Variants in PAFAH2 observed in about 807,000 individuals in gnomAD.
PAFAH2 encodes platelet-activating factor acetylhydrolase 2, cytoplasmic.
A neutral mutation model predicts 49.0 loss-of-function variants in PAFAH2; 42 were observed. The ratio of observed to expected loss-of-function variants is 0.86; its 90% CI spans 0.67 to 1.11. The LOEUF (loss-of-function observed/expected upper bound fraction) is 1.11. Ranked by LOEUF, PAFAH2 falls within the 50% of genes least tolerant of loss-of-function variation. PAFAH2 has a pLI of 0.00. For synonymous variants in PAFAH2, 184 were observed against 181.3 expected, an observed-to-expected ratio of 1.01 and a Z score of -0.12; for missense variants, 503 against 501.8, an observed-to-expected ratio of 1.00 and a Z score of -0.02.
chr1:25,972,706 A>G lies in PAFAH2; in HGVS notation c.936T>C (p.Ser312=). The change falls in exon 10 of 11, where the codon TCT becomes TCC. Residue 312 remains serine (S), a synonymous_variant. Coordinates refer to ENST00000374282, the MANE Select transcript of PAFAH2 (RefSeq NM_000437.4). ...CAAAGTCAGTTTGACTCCGATGAAC[A>G]GAACCACTAGGGGAAAAGAAAAACA... ...EQSRIITVLG[S]VHRSQTDFAF... is the part of the protein sequence containing the mutation. 1 of 1,614,004 alleles carries G rather than the reference A, an allele frequency of 6.2e-7. No individual in the cohort carries two copies. Among genetic ancestry groups the G allele is most frequent in the Non-Finnish European group, 8.5e-7 (1 of 1,179,864 alleles).
intron 10 of PAFAH2, among the ~76,000 whole-genome samples, chr1:25,972,266 T>C (rs1024461912): frequency 3.3e-4 from 50 of 151,564 alleles, no homozygotes; most frequent in South Asian, 8.3e-4. Context: ...CAGCTAATTT[T>C]TTTTTTTTTT....
At position 25,961,841 on chromosome 1, in the gene PAFAH2, C is replaced by T. The variant is rs2049342206; in HGVS notation, c.*148G>A. The stretch of plus-strand genomic sequence containing the variant: ...AAGATCAAATCTAAGATCAAAGTAC[C>T]CAGTTATCCAAGCAGCAGTGTGATT... On this transcript the variant is annotated 3_prime_UTR_variant, in exon 11 of 11. Coordinates refer to ENST00000374282, the MANE Select transcript of PAFAH2 (RefSeq NM_000437.4). 1.7e-6 allele frequency: 1 copy of T among 578,748 alleles called. No homozygotes were observed. The allele number at this position is 578,748 out of a possible 1,614,324, so 35.9% of individuals were successfully genotyped here.
chr1:25,988,199 T>C, intron 4 of PAFAH2, 32 bp downstream of exon 4: 1 of 1,395,400 alleles, frequency 7.2e-7, no homozygotes, highest in Non-Finnish European at 9.9e-7. Context: ...AGGCAAGGAG[T>C]ATGGCAAGGT....
chr1:25,983,077 A>G (rs993232610), intron 6 of PAFAH2, among the ~76,000 whole-genome samples: 3 of 152,134 alleles, frequency 2.0e-5, no homozygotes, highest in African/African-American at 7.2e-5. Flanking sequence ...CTGAACACAC[A>G]CAAGGTCAGA....
intron 7 of PAFAH2, among the ~76,000 whole-genome samples, chr1:25,979,951 C>A (rs912705412): frequency 6.6e-6 from 1 of 152,182 alleles, no homozygotes. Context: ...CAGGCCTGGA[C>A]CTCAGTGCCC....
rs770132383 is a variant in PAFAH2 at position 25,988,232 on chromosome 1, T to C, written c.340A>G (p.Arg114Gly). The change falls in exon 4 of 11, where the codon AGG (arginine) becomes GGG (glycine). Residue 114 changes from arginine to glycine, a missense_variant and splice_region_variant. Coordinates refer to ENST00000374282, the MANE Select transcript of PAFAH2 (RefSeq NM_000437.4). ...GGTCTGGGGGAAAGAAGCTCTTACC[T>C]GAAGGCTCCTAGGCCATGGGAGAAG... is the stretch of plus-strand genomic sequence containing the variant. ...IIFSHGLGAF[R>G]TLYSAFCMEL... The C allele has an allele frequency of 1.8e-5, 28 of 1,592,336 alleles. No individual in the cohort carries two copies. In the South Asian group the frequency reaches 2.9e-4, roughly 17 times the overall value.
intron 10 of PAFAH2, chr1:25,964,282 T>C (rs1330416700): frequency 6.6e-6 from 1 of 152,376 alleles, no homozygotes; most frequent in Non-Finnish European, 1.5e-5. Context: ...TGCAAATTCG[T>C]TAAGCTTTCC....
intron 8 of PAFAH2, among the ~76,000 whole-genome samples, chr1:25,975,629 C>CACAT (rs1188641481): frequency 1.3e-5 from 2 of 152,000 alleles, no homozygotes; most frequent in African/African-American, 4.8e-5. Context: ...CTTCACCTCC[C>CACAT]ACATGACCAA....
intron 10 of PAFAH2, among the ~76,000 whole-genome samples, chr1:25,967,347 T>C (rs1016333272): frequency 6.6e-6 from 1 of 152,186 alleles, no homozygotes; most frequent in Non-Finnish European, 1.5e-5. Flanking sequence ...GTTACTTCTA[T>C]TAGATGACTA....
At position 25,972,680 on chromosome 1, in the gene PAFAH2, G is replaced by C. The variant is rs1222040879; in HGVS notation, c.962C>G (p.Ala321Gly). ...GSVHRSQTDF[A>G]FVTGNLIGKF... ...ACCAATCAAGTTGCCAGTCACAAAAGCAAAGTCAGTTTGACTCCGATGAAC... is the reference window on the plus strand; with the variant it reads ...ACCAATCAAGTTGCCAGTCACAAAACCAAAGTCAGTTTGACTCCGATGAAC... The change falls in exon 10 of 11, where the codon GCT becomes GGT. Residue 321 changes from alanine (A) to glycine (G), a missense_variant. Transcript: ENST00000374282. 5 of 1,613,926 alleles carry C rather than the reference G, an allele frequency of 3.1e-6. No homozygotes were observed. The South Asian group carries it at 5.5e-5, about 18-fold the overall frequency.
At position 25,979,324 on chromosome 1, in the gene PAFAH2, T is replaced by G. The variant is rs573740967; in HGVS notation, c.667-2551A>C. 2.6e-5 allele frequency among the ~76,000 whole-genome samples: 4 copies of G among 152,036 alleles called. No homozygotes were observed. In the South Asian group the frequency reaches 6.3e-4, roughly 24 times the overall value. On this transcript the variant is annotated intron_variant, in intron 7 of 10. Transcript: ENST00000374282. ...AGCCTGCCATTTACCAATGCCTTTT[T>G]TTTTTTTTTTTGAGATAGTCTTGCT...
At chr1:25,991,268 A>T (rs1014762031) in intron 1 of PAFAH2, among the ~76,000 whole-genome samples, 1 of 151,936 alleles carries the variant, frequency 6.6e-6, no homozygotes, top group Admixed American at 6.5e-5. Flanking sequence ...TCATTGTCTC[A>T]ACCACTCTCT....
intron 10 of PAFAH2, among the ~76,000 whole-genome samples, chr1:25,972,326 G>A (rs557671940): frequency 6.6e-6 from 1 of 150,622 alleles, no homozygotes; most frequent in East Asian, 2.0e-4. Context: ...TCGAACTCCT[G>A]GCCCCAAGCC....
At position 25,969,798 on chromosome 1, in the gene PAFAH2, C is replaced by A. The variant is rs117211666; in HGVS notation, c.1084+2760G>T. On this transcript the variant is annotated intron_variant, in intron 10 of 10. Transcript: ENST00000374282. ...CCCAATCGTGCCATGGTGGGCTTCCCATCATCTTTCATCTTAAGCTTTTAT... is the reference window on the plus strand; with the variant it reads ...CCCAATCGTGCCATGGTGGGCTTCCAATCATCTTTCATCTTAAGCTTTTAT... Among the ~76,000 whole-genome samples the A allele has an allele frequency of 5.1e-4, 78 of 152,214 alleles. No individual in the cohort carries two copies. In the East Asian group the frequency reaches 0.015, roughly 30 times the overall value.
chr1:25,996,935 A>G (rs76746743), intron 1 of PAFAH2, among the ~76,000 whole-genome samples: 1,661 of 152,316 alleles, frequency 0.011, 32 homozygotes, highest in African/African-American at 0.038. Context: ...TTGGCAAAAC[A>G]GATTCTTTCC....
chr1:25,973,067 G>A (rs2049534811), intron 9 of PAFAH2, among the ~76,000 whole-genome samples: 2 of 152,164 alleles, frequency 1.3e-5, no homozygotes, highest in African/African-American at 2.4e-5. Context: ...GCATTTCTAT[G>A]TTACTACAAT....
At chr1:25,975,181 T>G (rs1572348314) in intron 8 of PAFAH2, among the ~76,000 whole-genome samples, 2 of 152,158 alleles carry the variant, frequency 1.3e-5, no homozygotes, top group Non-Finnish European at 2.9e-5. Context: ...TTATGGGCCT[T>G]AAGATTTTGC....
chr1:25,967,040 A>AAG (rs2049436207), intron 10 of PAFAH2, among the ~76,000 whole-genome samples: 1 of 151,236 alleles, frequency 6.6e-6, no homozygotes, highest in Non-Finnish European at 1.5e-5. Flanking sequence ...TCAAAAAAAA[A>AAG]AAAAAAAAAA....
chr1:25,997,286 G>A (rs983499060), intron 1 of PAFAH2, among the ~76,000 whole-genome samples: 2 of 152,228 alleles, frequency 1.3e-5, no homozygotes, highest in African/African-American at 4.8e-5. Flanking sequence ...CTCGAGGGAT[G>A]AGATTGAGCA....
Sources: gnomAD v4.1 joint callset for allele counts (sites outside exome capture counted in the v4.1 genomes callset) on GRCh38, gnomAD v4.1.1 for gene constraint, MANE v1.5 for transcripts, NCBI Gene and HGNC (gene_info 2026-07-23, HGNC 2026-07-21) for gene names.